Variants in PRR16 observed in about 807,000 individuals in gnomAD.
PRR16 encodes protein Largen.
A neutral mutation model predicts 18.2 loss-of-function variants in PRR16; 6 were observed. That is an observed-to-expected ratio of 0.33 (90% CI 0.18 to 0.65). The LOEUF is 0.65. PRR16 is among the 30% of genes least tolerant of loss of function. The pLI, the probability that PRR16 is intolerant of heterozygous loss-of-function variation, is 0.74. For missense variants in PRR16, 412 were observed against 376.6 expected, an observed-to-expected ratio of 1.09 and a Z score of -0.78; for synonymous variants, 151 against 147.8, an observed-to-expected ratio of 1.02 and a Z score of -0.16.
intron 1 of PRR16, among the ~76,000 whole-genome samples, chr5:120,478,903 G>A (rs539194503): frequency 1.1e-4 from 16 of 151,638 alleles, no homozygotes; most frequent in Non-Finnish European, 2.1e-4. Flanking sequence ...AAATTAACTG[G>A]AAAATGACAT....
the PRR16 span, among the ~76,000 whole-genome samples, chr5:120,708,327 T>A: frequency 6.6e-6 from 1 of 152,224 alleles, no homozygotes; most frequent in South Asian, 2.1e-4. Flanking sequence ...TCAAAAACTT[T>A]AAAAGTTAAA....
chr5:120,490,487 T>C (rs1749990127), intron 1 of PRR16, among the ~76,000 whole-genome samples: 1 of 152,314 alleles, frequency 6.6e-6, no homozygotes, highest in Admixed American at 6.5e-5. Flanking sequence ...TCTCGTGCCG[T>C]GGTTTTCAGC....
chr5:120,672,236 G>C (rs1193938375), intron 1 of PRR16, among the ~76,000 whole-genome samples: 2 of 112,630 alleles, frequency 1.8e-5, no homozygotes, highest in African/African-American at 7.2e-5. Context: ...CAGGTGAGGG[G>C]TCTGTGTGTG....
the PRR16 span, among the ~76,000 whole-genome samples, chr5:120,722,214 T>C: frequency 2.0e-5 from 3 of 152,064 alleles, no homozygotes; most frequent in Non-Finnish European, 4.4e-5. Context: ...TCCTCTTTTA[T>C]GGCTGCATAG....
chr5:120,479,457 T>C (rs189040237), intron 1 of PRR16, among the ~76,000 whole-genome samples: 2 of 152,274 alleles, frequency 1.3e-5, no homozygotes, highest in East Asian at 3.9e-4. Context: ...AGAAATATTA[T>C]ATACCGGAAT....
intron 1 of PRR16, among the ~76,000 whole-genome samples, chr5:120,490,399 T>A (rs767313817): frequency 1.4e-4 from 21 of 152,194 alleles, no homozygotes; most frequent in African/African-American, 2.2e-4. Context: ...CATTTCATTC[T>A]TTTCGTCTTC....
intron 1 of PRR16, among the ~76,000 whole-genome samples, chr5:120,564,790 T>C (rs1043699774): frequency 6.6e-6 from 1 of 151,948 alleles, no homozygotes; most frequent in Non-Finnish European, 1.5e-5. Context: ...ATCAAGACCA[T>C]CCTGGCTAAA....
chr5:120,729,173 T>C, the PRR16 span, among the ~76,000 whole-genome samples: 1 of 152,130 alleles, frequency 6.6e-6, no homozygotes, highest in African/African-American at 2.4e-5. Flanking sequence ...AGGACAAATG[T>C]GAACATGTGA....
chr5:120,494,821 T>C (rs1750188709), intron 1 of PRR16, among the ~76,000 whole-genome samples: 1 of 152,106 alleles, frequency 6.6e-6, no homozygotes, highest in South Asian at 2.1e-4. Context: ...GTCCATTTGC[T>C]CAGCACCATT....
chr5:120,762,697 G>C, the PRR16 span, among the ~76,000 whole-genome samples: 2 of 152,056 alleles, frequency 1.3e-5, no homozygotes, highest in African/African-American at 4.8e-5. Flanking sequence ...CTTGTCAGAT[G>C]AATACTTTGC....
the PRR16 span, among the ~76,000 whole-genome samples, chr5:120,741,828 T>C: frequency 6.6e-6 from 1 of 152,190 alleles, no homozygotes; most frequent in South Asian, 2.1e-4. Flanking sequence ...CCCCAGCTCT[T>C]GACCTCAGGT....
At chr5:120,771,097 T>C in the PRR16 span, among the ~76,000 whole-genome samples, 21 of 152,124 alleles carry the variant, frequency 1.4e-4, no homozygotes, top group African/African-American at 5.1e-4. Context: ...TGGTTCAAAT[T>C]AAGTAAGTTA....
the PRR16 span, among the ~76,000 whole-genome samples, chr5:120,787,370 A>G: frequency 1.3e-5 from 2 of 152,160 alleles, no homozygotes; most frequent in South Asian, 4.1e-4. Context: ...AACCAGTGAG[A>G]AGCCTGGATA....
intron 1 of PRR16, among the ~76,000 whole-genome samples, chr5:120,530,265 ATATATATATATATATATATTTATTTATT>A (rs1751502408): frequency 8.4e-6 from 1 of 119,398 alleles, no homozygotes; most frequent in African/African-American, 3.8e-5. Context: ...ATATATATAT[ATATATATATATATATATATTTATTTATT>A]TATTTATTTA....
chr5:120,490,892 G>T (rs1440945620), intron 1 of PRR16, among the ~76,000 whole-genome samples: 1 of 152,184 alleles, frequency 6.6e-6, no homozygotes, highest in Non-Finnish European at 1.5e-5. Context: ...TCAGCTGCAG[G>T]TCTGTTGGAG....
At chr5:120,752,759 C>A in the PRR16 span, among the ~76,000 whole-genome samples, 2 of 151,654 alleles carry the variant, frequency 1.3e-5, no homozygotes, top group African/African-American at 4.8e-5. Flanking sequence ...ATCAATTTAG[C>A]TCAAGTAGGG....
intron 1 of PRR16, among the ~76,000 whole-genome samples, chr5:120,659,990 C>G (rs1299309524): frequency 3.3e-5 from 5 of 152,014 alleles, no homozygotes; most frequent in African/African-American, 9.7e-5. Flanking sequence ...ACAGGCACTG[C>G]CATGCATTCT....
chr5:120,788,706 T>A, the PRR16 span, among the ~76,000 whole-genome samples: 4 of 152,136 alleles, frequency 2.6e-5, no homozygotes, highest in Non-Finnish European at 5.9e-5. Context: ...AGCAACTCCA[T>A]GATGAAAGAT....
At chr5:120,740,420 A>G in the PRR16 span, among the ~76,000 whole-genome samples, 1 of 152,220 alleles carries the variant, frequency 6.6e-6, no homozygotes, top group Non-Finnish European at 1.5e-5. Context: ...AAATTCACAC[A>G]GACTTTCTAT....
Sources: allele counts gnomAD v4.1 joint callset (sites outside exome capture counted in the v4.1 genomes callset), GRCh38; gene constraint gnomAD v4.1.1; transcripts MANE v1.5; gene names NCBI Gene and HGNC (gene_info 2026-07-23, HGNC 2026-07-21).